Variants in RUNX3 observed in about 807,000 individuals in gnomAD.
RUNX3 encodes runt-related transcription factor 3.
Under a neutral mutation model 27.7 loss-of-function variants are expected in RUNX3, and 10 were observed. The observed-to-expected ratio is 0.36, with a 90% CI of 0.22 to 0.61. The LOEUF (loss-of-function observed/expected upper bound fraction) is 0.61. Among genes scored for constraint, RUNX3 ranks in the 20% least tolerant of loss-of-function variants. The pLI is 0.72. For synonymous variants in RUNX3, 270 were observed against 269.2 expected, an observed-to-expected ratio of 1.00 and a Z score of -0.03; for missense variants, 469 against 629.5, an observed-to-expected ratio of 0.75 and a Z score of 2.73.
chr1:24,908,116 G>T (rs1000381190), intron 3 of RUNX3, among the ~76,000 whole-genome samples: 1 of 139,724 alleles, frequency 7.2e-6, no homozygotes. Flanking sequence ...TACGACACGC[G>T]GTGATCCAAA....
chr1:24,900,221 T>C lies in RUNX3; in HGVS notation c.*1901A>G, dbSNP rs965204101. The C allele has an allele frequency of 2.6e-5, 4 of 152,360 alleles. No individual in the cohort carries two copies. The highest frequency in any genetic ancestry group is 9.7e-5 in the African/African-American group (4 of 41,426). The allele number at this position is 152,360 out of a possible 1,614,324, so 9.4% of individuals were successfully genotyped here. A position where few individuals can be genotyped will look rare whatever the true frequency, so the allele number is the denominator to read the frequency against. Reference sequence around the variant, plus strand: ...CTATTTTGAGGAGATGGAGACTGTTTTTCCAGTGAGGACAGGCCAAGAGAA... The same window carrying C: ...CTATTTTGAGGAGATGGAGACTGTTCTTCCAGTGAGGACAGGCCAAGAGAA... On this transcript the variant is annotated 3_prime_UTR_variant, in exon 5 of 5. Coordinates refer to ENST00000308873, the MANE Select transcript of RUNX3 (RefSeq NM_004350.3).
intron 2 of RUNX3, among the ~76,000 whole-genome samples, chr1:24,925,088 G>C (rs1641073792): frequency 6.6e-6 from 1 of 152,196 alleles, no homozygotes; most frequent in African/African-American, 2.4e-5. Flanking sequence ...ACCCAGGCAA[G>C]GGTTCTGGGT....
rs921324657 is a variant in RUNX3, at chr1:24,923,168, C to A, written c.440-3824G>T. 6.6e-5 allele frequency among the ~76,000 whole-genome samples: 10 copies of A among 152,316 alleles called. No homozygotes were observed. The highest frequency in any genetic ancestry group is 2.4e-4 in the African/African-American group (10 of 41,558). On this transcript the variant is annotated intron_variant, in intron 2 of 4. Transcript: ENST00000308873. The surrounding 1 kb of genome is among the most constrained non-coding windows in gnomAD (Gnocchi z 5.9). ...CACATGCCACCCCTGAGGTCACCAG[C>A]ACTCCTCGGCCGCTTCCACCAGCTT... is the stretch of plus-strand genomic sequence containing the variant.
In RUNX3 at chr1:24,929,877, C is replaced by A; in HGVS notation, c.-9G>T. The A allele has an allele frequency of 7.8e-7, 1 of 1,281,832 alleles. No homozygotes were observed. 79.4% of individuals were successfully genotyped at this position (1,281,832 alleles called of 1,614,324 possible). On this transcript the variant is annotated 5_prime_UTR_variant, in exon 1 of 5. Transcript: ENST00000308873. ...TCTACGGGAATACGCATAACAGCGG[C>A]CGTCAGGGCGCCGGGCAGGCGGAGA...
At position 24,902,274 on chromosome 1, in the gene RUNX3, T is replaced by C. The variant is rs1303265556; in HGVS notation, c.1096A>G (p.Ser366Gly). ...CCGGCGGCGACAGAGGCAGCGCTGCTGGTGCAAGAGGCCAGCATGCGGGTA... is the reference window on the plus strand; with the variant it reads ...CCGGCGGCGACAGAGGCAGCGCTGCCGGTGCAAGAGGCCAGCATGCGGGTA... ...SPTRMLASCTSSAASVAAGNL... is the reference protein window; with the variant it reads ...SPTRMLASCTGSAASVAAGNL... The change falls in exon 5 of 5, where the codon AGC (serine) becomes GGC (glycine). Residue 366 changes from serine to glycine, a missense_variant. By Grantham distance (56) the Ser-to-Gly change is moderately conservative. Around this residue, in one of 3 missense-constraint regions of RUNX3, gnomAD observed 279 missense variants for 343.0 expected, o/e 0.81. Coordinates refer to ENST00000308873, the MANE Select transcript of RUNX3 (RefSeq NM_004350.3). This position sits in a 1 kb window ranked among gnomAD's most constrained non-coding sequence, Gnocchi z 9.2. 1 of 1,596,366 alleles carries C rather than the reference T, an allele frequency of 6.3e-7. No homozygotes were observed. Among genetic ancestry groups the C allele is most frequent in the African/African-American group, 1.3e-5 (1 of 74,832 alleles).
At chr1:24,955,087 G>T (rs1641882135) in intron 2 of RUNX3, among the ~76,000 whole-genome samples, 1 of 152,124 alleles carries the variant, frequency 6.6e-6, no homozygotes, top group South Asian at 2.1e-4. Flanking sequence ...CTTTGCCCAT[G>T]CTGTTCACTC....
At chr1:24,940,841 C>CCT (rs138098556) in intron 2 of RUNX3, among the ~76,000 whole-genome samples, 1,592 of 152,100 alleles carry the variant, frequency 0.01, 28 homozygotes, top group African/African-American at 0.037. Context: ...CCTAAGGTCC[C>CCT]ATTAGTGCTT....
Position 24,919,227 on chromosome 1 carries a change from C to T in RUNX3, c.544+13G>A, listed in dbSNP as rs761486725. On this transcript the variant is annotated intron_variant, in intron 3 of 4. Transcript: ENST00000308873. The stretch of plus-strand genomic sequence containing the variant: ...CCCCCGCGCAGGGGCTCAGGGGGCT[C>T]GGTGGCACTTACGTCTGGGCTCCCG... The T allele has an allele frequency of 1.1e-5, 17 of 1,561,666 alleles. No individual in the cohort carries two copies. The highest frequency in any genetic ancestry group is 1.4e-5 in the Non-Finnish European group (16 of 1,144,420).
At chr1:24,937,788 C>G (rs1169288717) in intron 2 of RUNX3, among the ~76,000 whole-genome samples, 2 of 152,184 alleles carry the variant, frequency 1.3e-5, no homozygotes, top group African/African-American at 2.4e-5. Context: ...TGGACCTGGG[C>G]CTGGATCCAT....
At chr1:24,930,501 TG>T (rs1358492584), upstream of RUNX3, among the ~76,000 whole-genome samples, 1 of 151,834 alleles carries the variant, frequency 6.6e-6, no homozygotes, top group Non-Finnish European at 1.5e-5. This position sits in a 1 kb window ranked among gnomAD's most constrained non-coding sequence, Gnocchi z 4.1. Context: ...CCGAGAGCTC[TG>T]GGAGCCCGGG....
At chr1:24,963,118 C>T (rs971202131) in intron 2 of RUNX3, 1 of 152,302 alleles carries the variant, frequency 6.6e-6, no homozygotes, top group African/African-American at 2.4e-5. Context: ...GGGAGTGCCC[C>T]CATTTCAGGG....
chr1:24,908,294 G>A (rs1640724295), intron 3 of RUNX3, among the ~76,000 whole-genome samples: 1 of 151,660 alleles, frequency 6.6e-6, no homozygotes, highest in Admixed American at 6.6e-5. Context: ...GACATGTGGT[G>A]ATCCAAACCT....
chr1:24,919,764 C>A (rs368468264), intron 2 of RUNX3, among the ~76,000 whole-genome samples: 8 of 150,278 alleles, frequency 5.3e-5, no homozygotes, highest in Admixed American at 5.3e-4. Context: ...CCCCCCCCCA[C>A]GGTTCCACTA....
chr1:24,940,563 A>C (rs769579813), intron 2 of RUNX3, among the ~76,000 whole-genome samples: 1 of 152,192 alleles, frequency 6.6e-6, no homozygotes, highest in Admixed American at 6.5e-5. Context: ...ATGACATTGA[A>C]GGTGAAAAGC....
intron 3 of RUNX3, among the ~76,000 whole-genome samples, chr1:24,909,805 C>T (rs977838492): frequency 7.9e-5 from 12 of 152,318 alleles, no homozygotes; most frequent in Middle Eastern, 3.4e-3. Context: ...CTCCAGGGTT[C>T]GGCTGATCAA....
At chr1:24,917,594 C>T (rs1640913776) in intron 3 of RUNX3, among the ~76,000 whole-genome samples, 1 of 152,228 alleles carries the variant, frequency 6.6e-6, no homozygotes, top group Non-Finnish European at 1.5e-5. Context: ...GGTCACACTG[C>T]AGATAACAGC....
At chr1:24,946,797 T>A (rs876109) in intron 2 of RUNX3, among the ~76,000 whole-genome samples, 2 of 151,994 alleles carry the variant, frequency 1.3e-5, no homozygotes, top group African/African-American at 4.8e-5. Flanking sequence ...CCACTCCCAC[T>A]GGCAGCCTGG....
At chr1:24,942,862 C>T (rs1481847803) in intron 2 of RUNX3, among the ~76,000 whole-genome samples, 2 of 152,230 alleles carry the variant, frequency 1.3e-5, no homozygotes, top group Non-Finnish European at 2.9e-5. Context: ...TGGTGCTCCT[C>T]GGAGCCTGCC....
chr1:24,902,235 G>C lies in RUNX3; in HGVS notation c.1135C>G (p.Pro379Ala), dbSNP rs781120958. The C allele has an allele frequency of 1.9e-6, 3 of 1,578,104 alleles. No individual in the cohort carries two copies. In the East Asian group the frequency reaches 6.9e-5, roughly 36 times the overall value. The change falls in exon 5 of 5, where the codon CCC becomes GCC. Residue 379 changes from proline (P) to alanine (A), a missense_variant. This residue lies in a region of RUNX3 where 279 missense variants were observed against 343.0 expected (regional missense o/e 0.81). Transcript: ENST00000308873. This position sits in a 1 kb window ranked among gnomAD's most constrained non-coding sequence, Gnocchi z 9.2. ...ASVAAGNLMN[P>A]SLGGQSDGVE... is the part of the protein sequence containing the mutation. ...CCATCACTCTGGCCGCCCAGGCTGGGGTTCATGAGGTTGCCGGCGGCGACA... is the reference window on the plus strand; with the variant it reads ...CCATCACTCTGGCCGCCCAGGCTGGCGTTCATGAGGTTGCCGGCGGCGACA...
Sources: gnomAD v4.1 joint callset for allele counts (sites outside exome capture counted in the v4.1 genomes callset) on GRCh38, gnomAD v4.1.1 for gene constraint, gnomAD v4.1.1 regional missense constraint, Gnocchi (gnomAD v3.1) non-coding constraint, MANE v1.5 for transcripts, NCBI Gene and HGNC (gene_info 2026-07-23, HGNC 2026-07-21) for gene names.